CCDC158: variants seen among roughly 807,000 people sequenced by gnomAD.
The protein encoded by CCDC158 is coiled-coil domain containing 158.
In CCDC158, 116 loss-of-function variants were observed where a neutral mutation model predicts 138.6. That is an observed-to-expected ratio of 0.84 (90% confidence interval 0.72 to 0.98). The LOEUF (loss-of-function observed/expected upper bound fraction) is 0.98. CCDC158 is among the 50% of genes least tolerant of loss of function. The probability of loss-of-function intolerance (pLI) is 0.00; values close to 1 mark genes in which losing one functional copy is unlikely to be tolerated. For synonymous variants in CCDC158, 436 were observed against 442.4 expected (o/e 0.99, Z 0.18); for missense variants, 1,265 against 1,306.1 (o/e 0.97, Z 0.48).
At chr4:76,315,136 G>C (rs183735235) in intron 24 of CCDC158, among the ~76,000 whole-genome samples, 1 of 152,284 alleles carries the variant, frequency 6.6e-6, no homozygotes, top group East Asian at 1.9e-4. Context: ...GTGGGAGCTA[G>C]GTAAGGCCTA....
intron 13 of CCDC158, 72 bp downstream of exon 13, chr4:76,362,054 G>A: frequency 1.6e-6 from 2 of 1,252,306 alleles, no homozygotes; most frequent in Non-Finnish European, 2.3e-6. Context: ...TTTTGCAATT[G>A]TGCTAGGGTC....
chr4:76,398,406 G>A (rs1728024234), intron 3 of CCDC158, among the ~76,000 whole-genome samples: 1 of 152,092 alleles, frequency 6.6e-6, no homozygotes, highest in African/African-American at 2.4e-5. Context: ...GTGGCTCATG[G>A]CTGTAATCCT....
At chr4:76,420,099 G>T (rs1482128364) in intron 1 of CCDC158, among the ~76,000 whole-genome samples, 2 of 151,622 alleles carry the variant, frequency 1.3e-5, no homozygotes, top group Non-Finnish European at 2.9e-5. Context: ...TAAGATAACC[G>T]CACTAAGATT....
At chr4:76,404,049 G>A (rs540673634) in intron 2 of CCDC158, among the ~76,000 whole-genome samples, 7 of 152,206 alleles carry the variant, frequency 4.6e-5, no homozygotes, top group African/African-American at 1.2e-4. Context: ...AAGAAGTAGC[G>A]GCCTCAGAGA....
intron 2 of CCDC158, among the ~76,000 whole-genome samples, chr4:76,408,015 G>A (rs1270223191): frequency 6.6e-6 from 1 of 151,918 alleles, no homozygotes; most frequent in Non-Finnish European, 1.5e-5. Context: ...GTAGTTTACA[G>A]AAGACAGCAT....
At position 76,403,134 on chromosome 4, in the gene CCDC158, A is replaced by G; in HGVS notation, c.70+4T>C. 6.3e-7 allele frequency: 1 copy of G among 1,596,324 alleles called. No homozygotes were observed. Among genetic ancestry groups the G allele is most frequent in the Non-Finnish European group, 8.6e-7 (1 of 1,168,540 alleles). On this transcript the variant is annotated splice_donor_region_variant and intron_variant, in intron 3 of 24. Coordinates refer to ENST00000682701, the MANE Select transcript of CCDC158 (RefSeq NM_001394954.1). ...CCCCATTTTGTTTTATAAACAGCAC[A>G]TACCTCCATTAGATGTGACACCACT...
chr4:76,404,245 C>CA (rs1159745143), intron 2 of CCDC158, among the ~76,000 whole-genome samples: 1 of 152,132 alleles, frequency 6.6e-6, no homozygotes, highest in Non-Finnish European at 1.5e-5. Flanking sequence ...AAAGAAAGTG[C>CA]ATGGCAGAAG....
chr4:76,320,151 A>T (rs1719865533), intron 24 of CCDC158, among the ~76,000 whole-genome samples: 1 of 152,160 alleles, frequency 6.6e-6, no homozygotes, highest in African/African-American at 2.4e-5. Context: ...ACCAACAATG[A>T]CCAAGCTTGG....
Position 76,357,496 on chromosome 4 carries a change from C to A in CCDC158, c.2051G>T (p.Arg684Leu), listed in dbSNP as rs200928353. 1.4e-4 allele frequency: 227 copies of A among 1,597,444 alleles called. No individual in the cohort carries two copies. Among genetic ancestry groups the A allele is most frequent in the Middle Eastern group, 6.7e-4 (4 of 5,988 alleles). ...CATTTCCATTTCTTCACTTTTGTTT[C>A]GGAAATTCCTTTTTAAGACTTCATA... is the stretch of plus-strand genomic sequence containing the variant. ...EEYEVLKRNFRNKSEEMEMTT... is the reference protein window; with the variant it reads ...EEYEVLKRNFLNKSEEMEMTT... The change falls in exon 14 of 25, where the codon CGA (arginine) becomes CTA (leucine). Residue 684 changes from arginine to leucine, a missense_variant. Arg to Leu is a moderately radical substitution (Grantham distance 102). Coordinates refer to ENST00000682701, the MANE Select transcript of CCDC158 (RefSeq NM_001394954.1).
chr4:76,370,830 C>A (rs554903255), intron 10 of CCDC158, among the ~76,000 whole-genome samples: 91 of 152,170 alleles, frequency 6.0e-4, no homozygotes, highest in Non-Finnish European at 1.1e-3. Context: ...GCTCATCAAA[C>A]CCTTGTCAGC....
At chr4:76,316,548 T>C (rs1719406636) in intron 24 of CCDC158, among the ~76,000 whole-genome samples, 1 of 152,106 alleles carries the variant, frequency 6.6e-6, no homozygotes, top group African/African-American at 2.4e-5. Context: ...AAGGGAACAA[T>C]TGAGGAAAAT....
At chr4:76,369,228 A>G (rs1414856478) in intron 11 of CCDC158, among the ~76,000 whole-genome samples, 198 bp downstream of exon 11, 1 of 152,162 alleles carries the variant, frequency 6.6e-6, no homozygotes, top group African/African-American at 2.4e-5. Flanking sequence ...ATAAATAAAT[A>G]AATAAATAAA....
At position 76,362,111 on chromosome 4, in the gene CCDC158, G is replaced by A; in HGVS notation, c.2020+15C>T. On this transcript the variant is annotated intron_variant, in intron 13 of 24. Transcript: ENST00000682701. ...ACTCTTATTTTTTAGTAGGATTTGT[G>A]CTGAAGCAACATACCTGAAAGATTG... is the stretch of plus-strand genomic sequence containing the variant. 1 of 1,608,008 alleles carries A rather than the reference G, an allele frequency of 6.2e-7. No individual in the cohort carries two copies. The highest frequency in any genetic ancestry group is 8.5e-7 in the Non-Finnish European group (1 of 1,175,838).
At chr4:76,368,513 G>A (rs1207266908) in intron 11 of CCDC158, among the ~76,000 whole-genome samples, 2 of 152,138 alleles carry the variant, frequency 1.3e-5, no homozygotes, top group Non-Finnish European at 2.9e-5. Flanking sequence ...TTCACATTCT[G>A]AGAAGCTTAC....
At chr4:76,315,551 C>T (rs536604538) in intron 24 of CCDC158, among the ~76,000 whole-genome samples, 1 of 152,336 alleles carries the variant, frequency 6.6e-6, no homozygotes, top group South Asian at 2.1e-4. Context: ...AATAACCCTG[C>T]ACCAAGGAAG....
At position 76,321,991 on chromosome 4, in the gene CCDC158, T is replaced by C. The variant is rs1020924379; in HGVS notation, c.3277+1311A>G. 2.6e-5 allele frequency among the ~76,000 whole-genome samples: 4 copies of C among 151,480 alleles called. No individual in the cohort carries two copies. In the South Asian group the frequency reaches 6.2e-4, roughly 24 times the overall value. On this transcript the variant is annotated intron_variant, in intron 24 of 24. Coordinates refer to ENST00000682701, the MANE Select transcript of CCDC158 (RefSeq NM_001394954.1). Reference sequence around the variant, plus strand: ...AGGCATAATAATAATACGATGGACGTTGAGGACTTGGGGGAAGGGTGGGAG... The same window carrying C: ...AGGCATAATAATAATACGATGGACGCTGAGGACTTGGGGGAAGGGTGGGAG...
intron 4 of CCDC158, among the ~76,000 whole-genome samples, chr4:76,385,274 A>C (rs997602372): frequency 3.3e-5 from 5 of 152,190 alleles, no homozygotes; most frequent in Non-Finnish European, 7.3e-5. Flanking sequence ...AAAACCAAAA[A>C]CCACTGAACA....
chr4:76,348,739 G>A (rs1578933316), intron 18 of CCDC158, among the ~76,000 whole-genome samples: 1 of 152,234 alleles, frequency 6.6e-6, no homozygotes, highest in East Asian at 1.9e-4. Context: ...CTCAGGTGAA[G>A]GGAGAATTAA....
At chr4:76,390,318 T>C (rs10002558) in intron 4 of CCDC158, among the ~76,000 whole-genome samples, 4,476 of 152,026 alleles carry the variant, frequency 0.029, 216 homozygotes, top group African/African-American at 0.1. Context: ...AAGATAATGG[T>C]TTATAAGAGA....
Sources: allele counts gnomAD v4.1 joint callset (sites outside exome capture counted in the v4.1 genomes callset), GRCh38; gene constraint gnomAD v4.1.1; transcripts MANE v1.5; gene names NCBI Gene and HGNC (gene_info 2026-07-23, HGNC 2026-07-21).